The following NDRG3 variants were observed in gnomAD, a reference collection of about 807,000 sequenced individuals.
NDRG3 encodes the protein protein NDRG3.
In NDRG3, 23 loss-of-function variants were observed where a neutral mutation model predicts 57.2. The observed-to-expected ratio is 0.40, with a 90% CI of 0.29 to 0.57. The LOEUF is 0.57. Among genes scored for constraint, NDRG3 ranks in the 20% least tolerant of loss-of-function variants. The pLI is 0.42. For synonymous variants in NDRG3, 132 were observed against 162.6 expected, an observed-to-expected ratio of 0.81 and a Z score of 1.43; for missense variants, 384 against 457.3, an observed-to-expected ratio of 0.84 and a Z score of 1.46.
intron 8 of NDRG3, among the ~76,000 whole-genome samples, chr20:36,679,794 G>A (rs758860111): frequency 4.0e-5 from 6 of 151,788 alleles, no homozygotes; most frequent in East Asian, 1.9e-4. Context: ...GTGAGCCACC[G>A]CGCCTGGCCA....
At chr20:36,672,987 C>G (rs1461677612) in intron 8 of NDRG3, among the ~76,000 whole-genome samples, 1 of 152,070 alleles carries the variant, frequency 6.6e-6, no homozygotes, top group African/African-American at 2.4e-5. Flanking sequence ...CCTCAGCCAC[C>G]CAAGTAGCTG....
intron 5 of NDRG3, among the ~76,000 whole-genome samples, chr20:36,685,870 C>T (rs1189569009): frequency 6.6e-6 from 1 of 152,116 alleles, no homozygotes; most frequent in Non-Finnish European, 1.5e-5. Context: ...ATTAGCCAGG[C>T]GTGTTGGCAC....
At chr20:36,716,130 CA>C (rs932482056) in intron 2 of NDRG3, among the ~76,000 whole-genome samples, 17 of 151,806 alleles carry the variant, frequency 1.1e-4, no homozygotes, top group Admixed American at 5.9e-4. Context: ...CTGGAGGTTA[CA>C]AAATGTTGTT....
chr20:36,742,258 A>C (rs1985959478), intron 1 of NDRG3, among the ~76,000 whole-genome samples: 1 of 152,172 alleles, frequency 6.6e-6, no homozygotes, highest in Non-Finnish European at 1.5e-5. Context: ...ATGTTTTTGT[A>C]TGTCTTCTCC....
chr20:36,728,178 C>T (rs534624624), intron 1 of NDRG3, among the ~76,000 whole-genome samples: 3 of 151,840 alleles, frequency 2.0e-5, no homozygotes, highest in East Asian at 1.9e-4. Flanking sequence ...CTCAGCCTCC[C>T]GAGTAGCTGG....
Position 36,656,276 on chromosome 20 carries a change from C to T in NDRG3, c.946+84G>A, listed in dbSNP as rs892852384. The T allele has an allele frequency of 1.1e-5, 15 of 1,366,510 alleles. No individual in the cohort carries two copies. The African/African-American group carries it at 2.2e-4, about 20-fold the overall frequency. The allele number at this position is 1,366,510 out of a possible 1,614,324, so 84.6% of individuals were successfully genotyped here. A position where few individuals can be genotyped will look rare whatever the true frequency, so the allele number is the denominator to read the frequency against. ...AGGCTAGCTGCCACAGAGGTTATATCTCAAGAATTGTGGGCTCCCAGATGT... is the reference window on the plus strand; with the variant it reads ...AGGCTAGCTGCCACAGAGGTTATATTTCAAGAATTGTGGGCTCCCAGATGT... On this transcript the variant is annotated intron_variant, in intron 15 of 15. Coordinates refer to ENST00000349004, the MANE Select transcript of NDRG3 (RefSeq NM_032013.4).
chr20:36,707,124 T>C, intron 2 of NDRG3, 117 bp from the exon 3 acceptor site: 1 of 912,170 alleles, frequency 1.1e-6, no homozygotes, highest in South Asian at 1.5e-5. Flanking sequence ...GCCATAAAAC[T>C]GAAATAGTTC....
At chr20:36,712,889 C>A (rs1984010853) in intron 2 of NDRG3, among the ~76,000 whole-genome samples, 1 of 151,856 alleles carries the variant, frequency 6.6e-6, no homozygotes, top group Non-Finnish European at 1.5e-5. Flanking sequence ...AGCCACTGCA[C>A]CTGCCCTGTT....
chr20:36,677,659 C>T (rs1338245301), intron 8 of NDRG3, among the ~76,000 whole-genome samples: 3 of 152,324 alleles, frequency 2.0e-5, no homozygotes, highest in Middle Eastern at 3.4e-3. Context: ...AATGACTCGC[C>T]TGTGGAAAGG....
chr20:36,707,707 CTGAT>C (rs1404736691), intron 2 of NDRG3, among the ~76,000 whole-genome samples: 1 of 152,024 alleles, frequency 6.6e-6, no homozygotes, highest in Non-Finnish European at 1.5e-5. Flanking sequence ...ATAATAATGA[CTGAT>C]TGAGGAAAAA....
chr20:36,675,932 T>C (rs1026529799), intron 8 of NDRG3, among the ~76,000 whole-genome samples: 4 of 152,136 alleles, frequency 2.6e-5, no homozygotes, highest in Admixed American at 6.6e-5. Context: ...TACTGAGAAG[T>C]AAGCATTTGT....
intron 2 of NDRG3, among the ~76,000 whole-genome samples, chr20:36,716,271 G>A (rs548983847): frequency 2.1e-4 from 32 of 152,100 alleles, no homozygotes; most frequent in Admixed American, 5.2e-4. Flanking sequence ...GGTGGCTCAT[G>A]CCTGTAATCC....
intron 8 of NDRG3, among the ~76,000 whole-genome samples, chr20:36,674,037 G>C (rs1010903860): frequency 2.6e-5 from 4 of 152,042 alleles, no homozygotes; most frequent in Non-Finnish European, 5.9e-5. Context: ...CTGGGAGATA[G>C]AGGTTGCAGT....
chr20:36,685,807 G>A (rs1189233648), intron 5 of NDRG3, among the ~76,000 whole-genome samples: 2 of 152,130 alleles, frequency 1.3e-5, no homozygotes, highest in African/African-American at 2.4e-5. Context: ...CCAGGAGTTC[G>A]AGACCAGCCT....
intron 6 of NDRG3, among the ~76,000 whole-genome samples, chr20:36,683,352 G>A (rs375798346): frequency 1.3e-5 from 2 of 151,990 alleles, no homozygotes; most frequent in African/African-American, 4.8e-5. Context: ...AGTGGCTCAC[G>A]CCTATGATCC....
chr20:36,680,015 G>C (rs1221243813), intron 8 of NDRG3, among the ~76,000 whole-genome samples: 1 of 143,704 alleles, frequency 7.0e-6, no homozygotes, highest in Non-Finnish European at 1.5e-5. Context: ...GTAGAGATGG[G>C]GTTTCTCCAT....
intron 1 of NDRG3, among the ~76,000 whole-genome samples, chr20:36,739,121 C>T (rs1405021603): frequency 1.9e-5 from 2 of 103,456 alleles, no homozygotes; most frequent in South Asian, 3.0e-4. Flanking sequence ...GGTGACAAAA[C>T]GAGACCCCAT....
intron 1 of NDRG3, among the ~76,000 whole-genome samples, chr20:36,739,909 CAAAAAAAAA>C (rs774462877): frequency 4.8e-5 from 2 of 41,600 alleles, no homozygotes; most frequent in Non-Finnish European, 1.0e-4. Flanking sequence ...GACTCCGTCT[CAAAAAAAAA>C]AAAAAAAAAA....
At chr20:36,656,108 T>TA (rs1978632528) in intron 15 of NDRG3, among the ~76,000 whole-genome samples, 1 of 127,966 alleles carries the variant, frequency 7.8e-6, no homozygotes. Context: ...CACTCCAGCC[T>TA]GGCAACAGAG....
Sources: gnomAD v4.1 joint callset for allele counts (sites outside exome capture counted in the v4.1 genomes callset) on GRCh38, gnomAD v4.1.1 for gene constraint, MANE v1.5 for transcripts, NCBI Gene and HGNC (gene_info 2026-07-23, HGNC 2026-07-21) for gene names.